USP4: variants seen among roughly 807,000 people sequenced by gnomAD.
The protein encoded by USP4 is ubiquitin carboxyl-terminal hydrolase 4.
Under a neutral mutation model 118.2 loss-of-function variants are expected in USP4, and 72 were observed. The observed-to-expected ratio is 0.61, with a 90% CI of 0.50 to 0.74. The LOEUF (loss-of-function observed/expected upper bound fraction) is 0.74. Among genes scored for constraint, USP4 ranks in the 30% least tolerant of loss-of-function variants. USP4 has a pLI of 0.00. For missense variants in USP4, 1,037 were observed against 1,185.7 expected (o/e 0.87, Z 1.84); for synonymous variants, 415 against 440.4 (o/e 0.94, Z 0.72).
chr3:49,336,735 C>T (rs1305012943), intron 1 of USP4, among the ~76,000 whole-genome samples: 1 of 150,706 alleles, frequency 6.6e-6, no homozygotes, highest in Non-Finnish European at 1.5e-5. Context: ...TTGGTCAGGA[C>T]AGTCTCAAAC....
At chr3:49,298,331 T>C (rs1270997565) in intron 12 of USP4, among the ~76,000 whole-genome samples, 1 of 152,162 alleles carries the variant, frequency 6.6e-6, no homozygotes, top group Non-Finnish European at 1.5e-5. Flanking sequence ...TGACCACGGC[T>C]AGTGTGAACC....
chr3:49,324,846 A>G (rs2047535091), intron 5 of USP4, 48 bp downstream of exon 5: 1 of 1,613,792 alleles, frequency 6.2e-7, no homozygotes, highest in Non-Finnish European at 8.5e-7. Context: ...ATCTGGCCAC[A>G]CACCCTGGGC....
At chr3:49,306,687 G>A (rs910941138) in intron 8 of USP4, among the ~76,000 whole-genome samples, 1 of 152,026 alleles carries the variant, frequency 6.6e-6, no homozygotes, top group Non-Finnish European at 1.5e-5. Flanking sequence ...AAAATTGAGG[G>A]TACAAAGACT....
Position 49,278,463 on chromosome 3 carries a change from G to A in USP4, c.2734-12C>T, listed in dbSNP as rs1430313197. 2 of 1,611,932 alleles carry A rather than the reference G, an allele frequency of 1.2e-6. No homozygotes were observed. The highest frequency in any genetic ancestry group is 1.1e-5 in the South Asian group (1 of 90,808). On this transcript the variant is annotated splice_polypyrimidine_tract_variant and intron_variant, in intron 21 of 21. Transcript: ENST00000265560. ...TAAGCTGCTTTAGTCTGAAATACAA[G>A]AGGGGGAAAGACCATTCAGTGCTTG...
chr3:49,299,886 A>G (rs2107778997), intron 11 of USP4, among the ~76,000 whole-genome samples: 1 of 152,184 alleles, frequency 6.6e-6, no homozygotes, highest in East Asian at 1.9e-4. Flanking sequence ...TGGTTCCCCA[A>G]CATTCAGATT....
At chr3:49,334,384 CAAAGT>C (rs2047648667) in intron 2 of USP4, among the ~76,000 whole-genome samples, 1 of 152,154 alleles carries the variant, frequency 6.6e-6, no homozygotes, top group Non-Finnish European at 1.5e-5. Context: ...TTTCAGGAAA[CAAAGT>C]AAATGATATT....
Position 49,302,558 on chromosome 3 carries a change from CTG to C in USP4, c.1129-18_1129-17del. ...CTACTTGAGTCTACAACAAAAGCAA[CTG>C]TATCAGAAGGCATAATACGTAAAGA... On this transcript the variant is annotated splice_polypyrimidine_tract_variant and intron_variant, in intron 9 of 21. Transcript: ENST00000265560. The C allele has an allele frequency of 1.2e-6, 2 of 1,611,180 alleles. No homozygotes were observed. The highest frequency in any genetic ancestry group is 1.1e-5 in the South Asian group (1 of 90,596).
intron 20 of USP4, among the ~76,000 whole-genome samples, chr3:49,280,245 CAG>C (rs928945138): frequency 7.9e-5 from 12 of 151,822 alleles, no homozygotes; most frequent in Admixed American, 7.9e-4. Context: ...GCCTGGGTGA[CAG>C]AGTGAGAATC....
rs779726187 is a variant in USP4, at chr3:49,277,723, A to C, written c.*570T>G. On this transcript the variant is annotated 3_prime_UTR_variant, in exon 22 of 22. Coordinates refer to ENST00000265560, the MANE Select transcript of USP4 (RefSeq NM_003363.4). Reference sequence around the variant, plus strand: ...GAGGGGCCAGGATCCCCAACACTAGATATCTTCCTTAGCGGGGAGAAAGCT... The same window carrying C: ...GAGGGGCCAGGATCCCCAACACTAGCTATCTTCCTTAGCGGGGAGAAAGCT... The C allele has an allele frequency of 6.2e-6, 1 of 161,092 alleles. No individual in the cohort carries two copies. The highest frequency in any genetic ancestry group is 2.4e-5 in the African/African-American group (1 of 41,818). 10.0% of individuals were successfully genotyped at this position (161,092 alleles called of 1,614,324 possible).
In USP4 at chr3:49,277,947, G is replaced by C; in HGVS notation, c.*346C>G. On this transcript the variant is annotated 3_prime_UTR_variant, in exon 22 of 22. Transcript: ENST00000265560. ...CGCTCAGGGCAGCCCTGCAGGTGGG[G>C]TGGGTCTCCAGGCTGCTCCATACTC... The C allele has an allele frequency of 2.4e-6, 1 of 410,222 alleles. No homozygotes were observed. The highest frequency in any genetic ancestry group is 3.6e-5 in the East Asian group (1 of 28,006). The allele number at this position is 410,222 out of a possible 1,614,324, so 25.4% of individuals were successfully genotyped here.
At chr3:49,322,200 T>A (rs1171135891) in intron 6 of USP4, among the ~76,000 whole-genome samples, 1 of 152,188 alleles carries the variant, frequency 6.6e-6, no homozygotes, top group East Asian at 1.9e-4. Context: ...GTTATAAAGT[T>A]TTAAGTCAAC....
intron 6 of USP4, chr3:49,312,418 G>C (rs2047392564): frequency 2.2e-6 from 1 of 447,082 alleles, no homozygotes; most frequent in Non-Finnish European, 4.5e-6. Context: ...GAACCCGGGA[G>C]TAAGCCGAGA....
chr3:49,332,666 T>C (rs2047630351), intron 2 of USP4, among the ~76,000 whole-genome samples: 1 of 151,986 alleles, frequency 6.6e-6, no homozygotes, highest in Non-Finnish European at 1.5e-5. Context: ...CTGGCCAACA[T>C]GGTGAAACCC....
Position 49,280,806 on chromosome 3 carries a change from C to A in USP4, c.2582G>T (p.Arg861Met). 6.2e-7 allele frequency: 1 copy of A among 1,614,184 alleles called. No homozygotes were observed. ...MSEFVCNLSA[R>M]PYVYDLIAVS... Reference sequence around the variant, plus strand: ...GGCAATGAGGTCGTACACATAAGGCCTTGCTGACAGGTTACAGACAAACTC... The same window carrying A: ...GGCAATGAGGTCGTACACATAAGGCATTGCTGACAGGTTACAGACAAACTC... Residue 861 changes from arginine (R) to methionine (M), a missense_variant, in exon 20 of 22, where the codon AGG (arginine) becomes ATG (methionine). Arg to Met is a moderately conservative substitution (Grantham distance 91, BLOSUM62 -1). This residue lies in a region of USP4 where 522 missense variants were observed against 592.6 expected (regional missense o/e 0.88). Coordinates refer to ENST00000265560, the MANE Select transcript of USP4 (RefSeq NM_003363.4).
chr3:49,302,698 G>A (rs917722473), intron 9 of USP4, among the ~76,000 whole-genome samples, 156 bp from the exon 10 acceptor site: 3 of 152,184 alleles, frequency 2.0e-5, no homozygotes, highest in Non-Finnish European at 2.9e-5. Flanking sequence ...GAGCCTACAG[G>A]AGGCCAGTGG....
Position 49,327,819 on chromosome 3 carries a change from A to G in USP4, c.230-3T>C, listed in dbSNP as rs2107800965. 6.2e-7 allele frequency: 1 copy of G among 1,612,562 alleles called. No individual in the cohort carries two copies. Among genetic ancestry groups the G allele is most frequent in the East Asian group, 2.2e-5 (1 of 44,842 alleles). On this transcript the variant is annotated splice_region_variant and splice_polypyrimidine_tract_variant and intron_variant, in intron 2 of 21. Transcript: ENST00000265560. ...TTTCAAGGTCTGACTCTCAGGATCT[A>G]AAAAAGGAAAAGAGCACATAAGTCA...
Position 49,286,099 on chromosome 3 carries a change from GTTGAGT to G in USP4, c.2193_2198del (p.Lys731_Leu732del). 1 of 1,614,174 alleles carries G rather than the reference GTTGAGT, an allele frequency of 6.2e-7. No individual in the cohort carries two copies. The highest frequency in any genetic ancestry group is 8.5e-7 in the Non-Finnish European group (1 of 1,179,986). ...TGAAAGGTCAGAAAAAGTGCTTACA[GTTGAGT>G]TTAAGTAGTTTTCCATCAGCTGCAA... is the stretch of plus-strand genomic sequence containing the variant. On this transcript the variant is annotated inframe_deletion and splice_region_variant, in exon 16 of 22. Transcript: ENST00000265560.
At position 49,278,246 on chromosome 3, in the gene USP4, G is replaced by A; in HGVS notation, c.*47C>T. 6.3e-7 allele frequency: 1 copy of A among 1,592,672 alleles called. No individual in the cohort carries two copies. The stretch of plus-strand genomic sequence containing the variant: ...TGCAGAGTGTCAAAGATGTTCTCCT[G>A]GGGGATTACACTGGCGCTACAGGGT... On this transcript the variant is annotated 3_prime_UTR_variant, in exon 22 of 22. Coordinates refer to ENST00000265560, the MANE Select transcript of USP4 (RefSeq NM_003363.4).
rs933153886 is a variant in USP4, at chr3:49,277,360, G to A, written c.*933C>T. On this transcript the variant is annotated 3_prime_UTR_variant, in exon 22 of 22. Coordinates refer to ENST00000265560, the MANE Select transcript of USP4 (RefSeq NM_003363.4). ...CTGGCCCCGCGGTGGGAGTGGGGACGGGGCTTTCGAATGGGGGCCCCGGGA... is the reference window on the plus strand; with the variant it reads ...CTGGCCCCGCGGTGGGAGTGGGGACAGGGCTTTCGAATGGGGGCCCCGGGA... 8 of 721,084 alleles carry A rather than the reference G, an allele frequency of 1.1e-5. No homozygotes were observed. The highest frequency in any genetic ancestry group is 5.6e-5 in the African/African-American group (3 of 53,110). 44.7% of individuals were successfully genotyped at this position (721,084 alleles called of 1,614,324 possible).
Sources: gnomAD v4.1 joint callset for allele counts (sites outside exome capture counted in the v4.1 genomes callset) on GRCh38, gnomAD v4.1.1 for gene constraint, gnomAD v4.1.1 regional missense constraint, MANE v1.5 for transcripts, NCBI Gene and HGNC (gene_info 2026-07-23, HGNC 2026-07-21) for gene names.